Variants in AXDND1 observed in about 807,000 individuals in gnomAD.
AXDND1 encodes axonemal dynein light chain domain-containing protein 1.
Under a neutral mutation model 137.5 loss-of-function variants are expected in AXDND1, and 110 were observed. The ratio of observed to expected loss-of-function variants is 0.80; its 90% confidence interval spans 0.69 to 0.94. AXDND1 has a LOEUF of 0.94. Ranked by LOEUF, AXDND1 falls within the 40% of genes least tolerant of loss-of-function variation. AXDND1 has a pLI of 0.00. For missense variants in AXDND1, 1,191 were observed against 1,169.8 expected, an observed-to-expected ratio of 1.02 and a Z score of -0.26; for synonymous variants, 414 against 399.7, an observed-to-expected ratio of 1.04 and a Z score of -0.43.
intron 21 of AXDND1, among the ~76,000 whole-genome samples, chr1:179,523,096 C>G (rs1361576280): frequency 6.6e-6 from 1 of 151,872 alleles, no homozygotes; most frequent in Non-Finnish European, 1.5e-5. Flanking sequence ...TTTTGGCTTT[C>G]CTCGTGGCCT....
At chr1:179,553,456 A>G (rs1673613699) in intron 25 of AXDND1, among the ~76,000 whole-genome samples, 1 of 152,264 alleles carries the variant, frequency 6.6e-6, no homozygotes, top group Admixed American at 6.5e-5. Flanking sequence ...ATGCTCAAGC[A>G]TGGTTGAACG....
intron 16 of AXDND1, among the ~76,000 whole-genome samples, chr1:179,466,508 T>C (rs930326835): frequency 4.6e-5 from 7 of 152,184 alleles, no homozygotes; most frequent in African/African-American, 1.4e-4. Flanking sequence ...CATCCACTGA[T>C]TTTAAAATTT....
intron 18 of AXDND1, among the ~76,000 whole-genome samples, chr1:179,488,669 T>C (rs1328896950): frequency 8.0e-5 from 11 of 137,578 alleles, no homozygotes; most frequent in Admixed American, 2.8e-4. Flanking sequence ...CTTTCTTTCT[T>C]TCTTTCTTTC....
intron 4 of AXDND1, among the ~76,000 whole-genome samples, chr1:179,374,324 A>G (rs1323544588): frequency 6.6e-6 from 1 of 152,208 alleles, no homozygotes; most frequent in Non-Finnish European, 1.5e-5. Flanking sequence ...GTCAGGAAAC[A>G]ACAGGTGCTG....
intron 16 of AXDND1, chr1:179,447,912 A>C (rs1292632830): frequency 1.0e-5 from 14 of 1,366,730 alleles, no homozygotes; most frequent in African/African-American, 1.4e-5. Context: ...ATATGGTTTG[A>C]GGTGGAGAGA....
At chr1:179,540,457 C>A (rs763143327) in intron 25 of AXDND1, among the ~76,000 whole-genome samples, 64 of 152,192 alleles carry the variant, frequency 4.2e-4, no homozygotes, top group Non-Finnish European at 1.8e-4. Context: ...CCTTCAGCTG[C>A]AAGTCTGTTG....
At chr1:179,402,641 CAAATATGCTA>C (rs758886152) in intron 11 of AXDND1, among the ~76,000 whole-genome samples, 20 of 152,136 alleles carry the variant, frequency 1.3e-4, no homozygotes, top group Non-Finnish European at 2.6e-4. Context: ...CATCAGTATG[CAAATATGCTA>C]TAATTACTCC....
intron 18 of AXDND1, among the ~76,000 whole-genome samples, chr1:179,485,328 C>T (rs1665913399): frequency 6.6e-6 from 1 of 152,188 alleles, no homozygotes; most frequent in African/African-American, 2.4e-5. Context: ...TTGGCTCTTC[C>T]AATACAGTAG....
At chr1:179,534,517 C>A (rs2125708194) in intron 24 of AXDND1, 1 of 468,872 alleles carries the variant, frequency 2.1e-6, no homozygotes, top group East Asian at 3.7e-5. Flanking sequence ...TAAATATATT[C>A]TTAAATAGCA....
At chr1:179,501,117 A>T (rs996242441) in intron 20 of AXDND1, among the ~76,000 whole-genome samples, 24 of 152,174 alleles carry the variant, frequency 1.6e-4, no homozygotes, top group Non-Finnish European at 2.1e-4. Flanking sequence ...ATTAAACAGC[A>T]CTAATCTAGG....
intron 17 of AXDND1, among the ~76,000 whole-genome samples, chr1:179,474,506 T>C (rs1664365393): frequency 6.6e-6 from 1 of 152,180 alleles, no homozygotes; most frequent in Admixed American, 6.5e-5. Flanking sequence ...AGGTAGTCTC[T>C]GATGGAGATG....
chr1:179,460,015 TCCTTC>T (rs1558212174), intron 16 of AXDND1, among the ~76,000 whole-genome samples: 21 of 91,716 alleles, frequency 2.3e-4, no homozygotes, highest in East Asian at 1.9e-3. Context: ...TTCCTCTCCT[TCCTTC>T]CTTCTTTCAT....
chr1:179,463,060 C>A (rs981108858), intron 16 of AXDND1, among the ~76,000 whole-genome samples: 5 of 151,920 alleles, frequency 3.3e-5, no homozygotes, highest in African/African-American at 1.2e-4. Flanking sequence ...TTAATCTTTT[C>A]AAAAAACCAG....
At chr1:179,393,480 AT>A (rs55750883) in intron 9 of AXDND1, among the ~76,000 whole-genome samples, 16,519 of 148,876 alleles carry the variant, frequency 0.11, 1,026 homozygotes, top group African/African-American at 0.15. Flanking sequence ...GAATTTTAGG[AT>A]TTTTTTTTTC....
chr1:179,419,485 G>A (rs1239801186), intron 12 of AXDND1, among the ~76,000 whole-genome samples: 9 of 149,034 alleles, frequency 6.0e-5, no homozygotes, highest in East Asian at 2.0e-4. Context: ...GTGGCGGCGT[G>A]CGCCTGCAAT....
At chr1:179,454,337 C>G (rs1234698886) in intron 16 of AXDND1, 1 of 153,130 alleles carries the variant, frequency 6.5e-6, no homozygotes, top group African/African-American at 2.4e-5. Flanking sequence ...GTGAGACATG[C>G]CTTTCACCTT....
In AXDND1 at chr1:179,509,417, G is replaced by A. The variant is rs1668818182; in HGVS notation, c.2496+14G>A. The A allele has an allele frequency of 2.0e-6, 3 of 1,469,550 alleles. No homozygotes were observed. Among genetic ancestry groups the A allele is most frequent in the South Asian group, 1.1e-5 (1 of 87,038 alleles). The allele number at this position is 1,469,550 out of a possible 1,614,324, so 91.0% of individuals were successfully genotyped here. ...CTACTTGAAGAGGTATTTGCCACAT[G>A]TTAGCGTTGGTCATTATTCAGATTA... On this transcript the variant is annotated intron_variant, in intron 21 of 25. Coordinates refer to ENST00000367618, the MANE Select transcript of AXDND1 (RefSeq NM_144696.6).
intron 11 of AXDND1, among the ~76,000 whole-genome samples, chr1:179,404,418 C>T (rs1393588145): frequency 7.6e-6 from 1 of 130,980 alleles, no homozygotes; most frequent in African/African-American, 2.7e-5. Context: ...GATGAGGTTT[C>T]ACTGTGTTGG....
chr1:179,411,134 T>C lies in AXDND1; in HGVS notation c.1110-12T>C, dbSNP rs767031030. 5 of 1,528,770 alleles carry C rather than the reference T, an allele frequency of 3.3e-6. No individual in the cohort carries two copies. Among genetic ancestry groups the C allele is most frequent in the South Asian group, 1.2e-5 (1 of 80,102 alleles). The allele number at this position is 1,528,770 out of a possible 1,614,324, so 94.7% of individuals were successfully genotyped here. A position where few individuals can be genotyped will look rare whatever the true frequency, so the allele number is the denominator to read the frequency against. Reference sequence around the variant, plus strand: ...TAAATTAAATGAAGCTGTTTCTTAATTGTTTTTATAGAATAGTAGAAGAAT... The same window carrying C: ...TAAATTAAATGAAGCTGTTTCTTAACTGTTTTTATAGAATAGTAGAAGAAT... On this transcript the variant is annotated splice_polypyrimidine_tract_variant and intron_variant, in intron 11 of 25. Coordinates refer to ENST00000367618, the MANE Select transcript of AXDND1 (RefSeq NM_144696.6).
Sources: allele counts gnomAD v4.1 joint callset (sites outside exome capture counted in the v4.1 genomes callset), GRCh38; gene constraint gnomAD v4.1.1; transcripts MANE v1.5; gene names NCBI Gene and HGNC (gene_info 2026-07-23, HGNC 2026-07-21).